TRMT5: variants seen among roughly 807,000 people sequenced by gnomAD.
TRMT5 encodes tRNA (guanine(37)-N(1))-methyltransferase.
A neutral mutation model predicts 42.2 loss-of-function variants in TRMT5; 31 were observed. The observed-to-expected ratio is 0.73, with a 90% CI of 0.55 to 0.99. The LOEUF (loss-of-function observed/expected upper bound fraction) is 0.99. Ranked by LOEUF, TRMT5 falls within the 50% of genes least tolerant of loss-of-function variation. The pLI, the probability that TRMT5 is intolerant of heterozygous loss-of-function variation, is 0.00. For synonymous variants in TRMT5, 198 were observed against 209.6 expected, an observed-to-expected ratio of 0.94 and a Z score of 0.48; for missense variants, 568 against 595.0, an observed-to-expected ratio of 0.95 and a Z score of 0.47.
chr14:60,979,679 A>G lies in TRMT5; in HGVS notation c.219T>C (p.Phe73=). The G allele has an allele frequency of 3.1e-6, 5 of 1,614,148 alleles. No homozygotes were observed. The highest frequency in any genetic ancestry group is 1.1e-5 in the South Asian group (1 of 91,080). The change falls in exon 2 of 5, where the codon TTT becomes TTC. Residue 73 remains phenylalanine (F), a synonymous_variant. Coordinates refer to ENST00000261249, the MANE Select transcript of TRMT5 (RefSeq NM_020810.3). The part of the protein sequence containing the change: ...TETHERETEL[F]SPPSDVRGMT... ...TGCCTCGGACATCAGAAGGTGGTGA[A>G]AACAATTCAGTCTCTCTCTCATGTG...
Position 60,975,212 on chromosome 14 carries a change from A to G in TRMT5, c.1445-18T>C, listed in dbSNP as rs2036827428. The G allele has an allele frequency of 1.9e-6, 3 of 1,586,202 alleles. No homozygotes were observed. The East Asian group carries it at 6.7e-5, about 36-fold the overall frequency. ...ATGATTCTCTGTAATAAATCCAGAA[A>G]ACCTATTTTAGGTAAGATATTAACA... On this transcript the variant is annotated intron_variant, in intron 4 of 4. Transcript: ENST00000261249.
At chr14:60,981,226 A>G (rs2036981999), upstream of TRMT5, 2 of 1,558,562 alleles carry the variant, frequency 1.3e-6, no homozygotes, top group African/African-American at 1.4e-5. Flanking sequence ...ACTGGAGCGC[A>G]GGGCAGGGGT....
Position 60,974,969 on chromosome 14 carries a change from A to G in TRMT5, c.*140T>C, listed in dbSNP as rs939691013. 1.2e-5 allele frequency: 6 copies of G among 494,532 alleles called. No homozygotes were observed. Among genetic ancestry groups the G allele is most frequent in the African/African-American group, 1.0e-4 (5 of 50,208 alleles). The allele number at this position is 494,532 out of a possible 1,614,324, so 30.6% of individuals were successfully genotyped here. ...GTAGCCTTAGTTCAGTTAAAGTTTAATTGGTAATCCTCAATTTGTAAAATA... is the reference window on the plus strand; with the variant it reads ...GTAGCCTTAGTTCAGTTAAAGTTTAGTTGGTAATCCTCAATTTGTAAAATA... On this transcript the variant is annotated 3_prime_UTR_variant, in exon 5 of 5. Coordinates refer to ENST00000261249, the MANE Select transcript of TRMT5 (RefSeq NM_020810.3).
In TRMT5 at chr14:60,972,470, G is replaced by A; in HGVS notation, c.*2639C>T. On this transcript the variant is annotated 3_prime_UTR_variant, in exon 5 of 5. Coordinates refer to ENST00000261249, the MANE Select transcript of TRMT5 (RefSeq NM_020810.3). ...CTTCAGTCTTTCTCTTGGGCATGGC[G>A]GCGGCGGCGGCGGCGGGATGTGGGC... The A allele has an allele frequency of 6.2e-6, 3 of 483,896 alleles. No individual in the cohort carries two copies. Among genetic ancestry groups the A allele is most frequent in the South Asian group, 1.5e-5 (1 of 66,470 alleles). 30.0% of individuals were successfully genotyped at this position (483,896 alleles called of 1,614,324 possible).
chr14:60,981,476 G>T (rs760378381), upstream of TRMT5: 2 of 1,539,742 alleles, frequency 1.3e-6, no homozygotes, highest in Non-Finnish European at 1.7e-6. Context: ...ACCGCACCGG[G>T]ACAGGGGAGA....
At chr14:60,981,187 T>A (rs2036978703), upstream of TRMT5, 1 of 1,536,662 alleles carries the variant, frequency 6.5e-7, no homozygotes, top group Non-Finnish European at 8.8e-7. Context: ...AGGGCCGGGC[T>A]CAAAGCTCCG....
chr14:60,975,163 C>T lies in TRMT5; in HGVS notation c.1476G>A (p.Gln492=), dbSNP rs746551876. ...CGTCTGAAAAGGCTTCAGCCGTCCT[C>T]TGCCTTTTAAGAGGTGGATCTTCAT... ...ENHEDPPLKR[Q]RTAEAFSDEK... Residue 492 remains glutamine, a synonymous_variant, in exon 5 of 5, where the codon CAG becomes CAA. Coordinates refer to ENST00000261249, the MANE Select transcript of TRMT5 (RefSeq NM_020810.3). 3.1e-6 allele frequency: 5 copies of T among 1,608,918 alleles called. No homozygotes were observed. Among genetic ancestry groups the T allele is most frequent in the Non-Finnish European group, 4.2e-6 (5 of 1,178,432 alleles).
rs539440890 is a variant in TRMT5, at chr14:60,976,889, A to G, written c.792+625T>C. ...AAATAAAACTTAAGTTACAGTCATG[A>G]AGTATGACCTCAGCCATCATCTTAA... On this transcript the variant is annotated intron_variant, in intron 3 of 4. Transcript: ENST00000261249. Among the ~76,000 whole-genome samples, 32 of 152,328 alleles carry G rather than the reference A, an allele frequency of 2.1e-4. No homozygotes were observed. The South Asian group carries it at 6.6e-3, about 32-fold the overall frequency.
In TRMT5 at chr14:60,972,695, G is replaced by A. The variant is rs957181014; in HGVS notation, c.*2414C>T. On this transcript the variant is annotated 3_prime_UTR_variant, in exon 5 of 5. Transcript: ENST00000261249. ...TAAGTGTTCCCTGTGATCAAAATCA[G>A]TTGTAAATGATTGCCTATTAATGGT... is the stretch of plus-strand genomic sequence containing the variant. 1.1e-5 allele frequency: 3 copies of A among 263,784 alleles called. No homozygotes were observed. Among genetic ancestry groups the A allele is most frequent in the South Asian group, 4.1e-5 (1 of 24,408 alleles). The allele number at this position is 263,784 out of a possible 1,614,324, so 16.3% of individuals were successfully genotyped here. A position where few individuals can be genotyped will look rare whatever the true frequency, so the allele number is the denominator to read the frequency against.
chr14:60,975,218 T>C (rs2036827589), intron 4 of TRMT5, 24 bp from the exon 5 acceptor site: 1 of 1,576,368 alleles, frequency 6.3e-7, no homozygotes, highest in Non-Finnish European at 8.6e-7. Flanking sequence ...AGAAAACCTA[T>C]TTTAGGTAAG....
intron 4 of TRMT5, 41 bp from the exon 5 acceptor site, chr14:60,975,235 A>C (rs2036827912): frequency 6.6e-7 from 1 of 1,523,406 alleles, no homozygotes; most frequent in Non-Finnish European, 8.9e-7. Flanking sequence ...TAAGATATTA[A>C]CAGTTGAAAA....
In TRMT5 at chr14:60,972,131, TAAC is replaced by T; in HGVS notation, c.*2975_*2977del. ...AACAACAATGAAGTGTTCTGTGTGC[TAAC>T]AACATAGCTTAAAAAAAGTAAAACA... is the stretch of plus-strand genomic sequence containing the variant. On this transcript the variant is annotated 3_prime_UTR_variant, in exon 5 of 5. Transcript: ENST00000261249. 1 of 382,368 alleles carries T rather than the reference TAAC, an allele frequency of 2.6e-6. No individual in the cohort carries two copies. The highest frequency in any genetic ancestry group is 5.0e-6 in the Non-Finnish European group (1 of 198,128). The allele number at this position is 382,368 out of a possible 1,614,324, so 23.7% of individuals were successfully genotyped here.
chr14:60,978,094 C>T (rs1311844194), intron 2 of TRMT5, among the ~76,000 whole-genome samples: 1 of 151,986 alleles, frequency 6.6e-6, no homozygotes, highest in Non-Finnish European at 1.5e-5. Context: ...GAACAAATGC[C>T]CCCACTTTAG....
At chr14:60,976,483 A>G (rs985513647) in intron 3 of TRMT5, among the ~76,000 whole-genome samples, 3 of 152,236 alleles carry the variant, frequency 2.0e-5, no homozygotes, top group African/African-American at 7.2e-5. Flanking sequence ...TTATGTCACC[A>G]GATAGACAAG....
Position 60,979,274 on chromosome 14 carries a change from G to T in TRMT5, c.624C>A (p.His208Gln). 1.2e-6 allele frequency: 2 copies of T among 1,613,730 alleles called. No individual in the cohort carries two copies. The highest frequency in any genetic ancestry group is 8.5e-7 in the Non-Finnish European group (1 of 1,179,860). ...SGFSRIGHIA[H>Q]LNLRDHQLPF... is the part of the protein sequence containing the mutation. ...GCAGCTGATGATCTCGAAGGTTTAG[G>T]TGTGCAATATGTCCAATCCTGCTAA... Residue 208 changes from histidine (H) to glutamine (Q), a missense_variant, in exon 2 of 5, where the codon CAC (histidine) becomes CAA (glutamine). Transcript: ENST00000261249.
rs756815624 is a variant in TRMT5 at position 60,981,053 on chromosome 14, T to A, written c.-80A>T. 33 of 1,608,152 alleles carry A rather than the reference T, an allele frequency of 2.1e-5. No homozygotes were observed. The highest frequency in any genetic ancestry group is 6.7e-5 in the Admixed American group (4 of 59,984). ...CGCTCCGGTACCGATCGGATGTGGG[T>A]CGCGGGTGGATGGGCGGGTCTTCTA... On this transcript the variant is annotated 5_prime_UTR_variant, in exon 1 of 5. Coordinates refer to ENST00000261249, the MANE Select transcript of TRMT5 (RefSeq NM_020810.3).
intron 4 of TRMT5, 21 bp from the exon 5 acceptor site, chr14:60,975,215 C>A: frequency 6.3e-7 from 1 of 1,579,010 alleles, no homozygotes; most frequent in South Asian, 1.2e-5. Context: ...TCCAGAAAAC[C>A]TATTTTAGGT....
In TRMT5 at chr14:60,972,072, T is replaced by C. The variant is rs1264053309; in HGVS notation, c.*3037A>G. On this transcript the variant is annotated 3_prime_UTR_variant, in exon 5 of 5. Coordinates refer to ENST00000261249, the MANE Select transcript of TRMT5 (RefSeq NM_020810.3). Reference sequence around the variant, plus strand: ...CCCCGTATCAATCCAGCTTCAGAGATATTCTATTAGTGACACATACCCCTT... The same window carrying C: ...CCCCGTATCAATCCAGCTTCAGAGACATTCTATTAGTGACACATACCCCTT... 9.9e-6 allele frequency: 3 copies of C among 303,832 alleles called. No individual in the cohort carries two copies. Among genetic ancestry groups the C allele is most frequent in the Admixed American group, 8.5e-5 (2 of 23,466 alleles). 18.8% of individuals were successfully genotyped at this position (303,832 alleles called of 1,614,324 possible). A position where few individuals can be genotyped will look rare whatever the true frequency, so the allele number is the denominator to read the frequency against.
intron 4 of TRMT5, 95 bp downstream of exon 4, chr14:60,975,380 A>G: frequency 1.4e-6 from 2 of 1,461,730 alleles, no homozygotes; most frequent in Non-Finnish European, 1.9e-6. Flanking sequence ...TTTCTATTAG[A>G]CTGAACTAAT....
Sources: gnomAD v4.1 joint callset for allele counts (sites outside exome capture counted in the v4.1 genomes callset) on GRCh38, gnomAD v4.1.1 for gene constraint, MANE v1.5 for transcripts, NCBI Gene and HGNC (gene_info 2026-07-23, HGNC 2026-07-21) for gene names.